The following TBC1D22A variants were observed in gnomAD, a reference collection of about 807,000 sequenced individuals.
The protein encoded by TBC1D22A is TBC1 domain family member 22A, also known as putative GTPase activator.
A neutral mutation model predicts 60.2 loss-of-function variants in TBC1D22A; 38 were observed. The ratio of observed to expected loss-of-function variants is 0.63; its 90% CI spans 0.49 to 0.83. TBC1D22A has a LOEUF of 0.83. Among genes scored for constraint, TBC1D22A ranks in the 40% least tolerant of loss-of-function variants. TBC1D22A has a pLI of 0.00. For synonymous variants in TBC1D22A, 302 were observed against 281.7 expected (o/e 1.07, Z -0.72); for missense variants, 628 against 701.0 (o/e 0.90, Z 1.18).
At position 47,175,098 on chromosome 22, in the gene TBC1D22A, A is replaced by T. The variant is rs1175587724; in HGVS notation, c.*1472A>T. On this transcript the variant is annotated 3_prime_UTR_variant, in exon 13 of 13. Transcript: ENST00000337137. ...CTAGGACACTGCCAGAGACTGTGGG[A>T]CATACAGGCATAAGTGATGTGTGTG... 1.3e-5 allele frequency: 2 copies of T among 152,284 alleles called. No homozygotes were observed. The highest frequency in any genetic ancestry group is 2.9e-5 in the Non-Finnish European group (2 of 68,068). The allele number at this position is 152,284 out of a possible 1,614,324, so 9.4% of individuals were successfully genotyped here. A position where few individuals can be genotyped will look rare whatever the true frequency, so the allele number is the denominator to read the frequency against.
intron 4 of TBC1D22A, among the ~76,000 whole-genome samples, chr22:46,854,212 G>A (rs1374232443): frequency 3.9e-5 from 6 of 152,296 alleles, no homozygotes; most frequent in Admixed American, 1.3e-4. Flanking sequence ...AATGTGTCAC[G>A]TGTGATAGGA....
intron 11 of TBC1D22A, among the ~76,000 whole-genome samples, chr22:47,048,419 G>A (rs778852606): frequency 9.1e-4 from 138 of 152,286 alleles, no homozygotes; most frequent in Middle Eastern, 3.4e-3. Context: ...CAGTTACTAC[G>A]TCACTTGCCG....
chr22:47,076,934 G>A (rs370049647), intron 11 of TBC1D22A, among the ~76,000 whole-genome samples: 10 of 152,242 alleles, frequency 6.6e-5, no homozygotes, highest in South Asian at 2.1e-4. Context: ...AGTTCCAGCC[G>A]TCATGTCAGT....
intron 8 of TBC1D22A, among the ~76,000 whole-genome samples, chr22:46,933,044 A>G (rs756001002): frequency 2.0e-5 from 3 of 152,016 alleles, no homozygotes; most frequent in Non-Finnish European, 4.4e-5. Flanking sequence ...TTTTGGCATC[A>G]TTTGGGAGGA....
intron 10 of TBC1D22A, among the ~76,000 whole-genome samples, chr22:47,034,327 T>C (rs1255770921): frequency 6.6e-6 from 1 of 152,184 alleles, no homozygotes; most frequent in African/African-American, 2.4e-5. Context: ...CGCGTCCTTG[T>C]GTGACCTGCC....
At chr22:47,111,744 G>A in intron 12 of TBC1D22A, 141 bp downstream of exon 12, 1 of 737,968 alleles carries the variant, frequency 1.4e-6, no homozygotes, top group Non-Finnish European at 2.2e-6. Context: ...CCTGCTGGTT[G>A]AAAGCTCGTC....
intron 4 of TBC1D22A, among the ~76,000 whole-genome samples, chr22:46,853,675 G>A (rs764811344): frequency 5.9e-5 from 9 of 152,220 alleles, no homozygotes; most frequent in Admixed American, 2.0e-4. Context: ...ACTTGAGAGC[G>A]GAACAGGAAC....
intron 12 of TBC1D22A, among the ~76,000 whole-genome samples, chr22:47,155,688 G>A (rs1010316645): frequency 4.0e-5 from 6 of 149,106 alleles, no homozygotes; most frequent in African/African-American, 1.2e-4. Flanking sequence ...CAGACACCAC[G>A]GCCGTTCTCC....
chr22:47,091,240 GT>G (rs2064947600), intron 11 of TBC1D22A, among the ~76,000 whole-genome samples: 7 of 130,816 alleles, frequency 5.4e-5, no homozygotes, highest in African/African-American at 1.5e-4. Context: ...GTCATCTTTG[GT>G]GGGGAGTGGC....
At chr22:46,878,144 C>T (rs987749689) in intron 4 of TBC1D22A, among the ~76,000 whole-genome samples, 3 of 151,752 alleles carry the variant, frequency 2.0e-5, no homozygotes, top group Non-Finnish European at 2.9e-5. Context: ...AGCTTATCTC[C>T]GTGAAACAAT....
intron 8 of TBC1D22A, among the ~76,000 whole-genome samples, chr22:46,920,633 A>G (rs1471512329): frequency 1.3e-5 from 2 of 152,206 alleles, no homozygotes; most frequent in African/African-American, 2.4e-5. Flanking sequence ...TGCACAGAGA[A>G]GCTTCGTGGA....
intron 8 of TBC1D22A, 90 bp from the exon 9 acceptor site, chr22:46,974,200 G>A: frequency 9.5e-7 from 1 of 1,057,616 alleles, no homozygotes; most frequent in Non-Finnish European, 1.4e-6. Context: ...CTGGATGCAG[G>A]CTCAGCTCTG....
intron 12 of TBC1D22A, among the ~76,000 whole-genome samples, chr22:47,136,680 G>A (rs182049621): frequency 6.6e-6 from 1 of 151,166 alleles, no homozygotes; most frequent in Admixed American, 6.6e-5. Context: ...GGGATTCTGA[G>A]TGGCCTTTCA....
At chr22:47,027,207 A>C (rs1423149334) in intron 10 of TBC1D22A, among the ~76,000 whole-genome samples, 1 of 152,258 alleles carries the variant, frequency 6.6e-6, no homozygotes, top group East Asian at 1.9e-4. Context: ...GAGCAAATGA[A>C]GAAGTTCCAA....
rs139609303 is a variant in TBC1D22A, at chr22:47,170,280, G to A, written c.1426-3218G>A. 5.3e-3 allele frequency among the ~76,000 whole-genome samples: 800 copies of A among 152,214 alleles called. 7 individuals are homozygous for A. Among genetic ancestry groups the A allele is most frequent in the African/African-American group, 0.018 (758 of 41,522 alleles). ...CTGAAATTGAGTGTGCAGTAGAGTC[G>A]GTGAGTTACCGTAATGGGAGGGTAC... On this transcript the variant is annotated intron_variant, in intron 12 of 12. Coordinates refer to ENST00000337137, the MANE Select transcript of TBC1D22A (RefSeq NM_014346.5).
intron 8 of TBC1D22A, among the ~76,000 whole-genome samples, chr22:46,935,710 T>C (rs931237379): frequency 1.3e-5 from 2 of 152,248 alleles, no homozygotes; most frequent in African/African-American, 4.8e-5. Flanking sequence ...CCTGTCCTTC[T>C]ATCCCATTCT....
intron 12 of TBC1D22A, among the ~76,000 whole-genome samples, chr22:47,136,477 G>T (rs777350984): frequency 3.3e-5 from 5 of 152,260 alleles, no homozygotes; most frequent in African/African-American, 4.8e-5. Flanking sequence ...TGAAATAACA[G>T]TGTAAATGTG....
intron 8 of TBC1D22A, among the ~76,000 whole-genome samples, chr22:46,940,453 A>AAT (rs58629182): frequency 0.041 from 5,852 of 142,708 alleles, 178 homozygotes; most frequent in African/African-American, 0.082. Context: ...GGGGCACTAG[A>AAT]ATATATATAT....
intron 12 of TBC1D22A, among the ~76,000 whole-genome samples, chr22:47,121,615 C>T (rs1466995809): frequency 6.6e-6 from 1 of 151,998 alleles, no homozygotes; most frequent in Admixed American, 6.5e-5. Context: ...CTATTCCACG[C>T]GTGGACAGAA....
Sources: allele counts gnomAD v4.1 joint callset (sites outside exome capture counted in the v4.1 genomes callset), GRCh38; gene constraint gnomAD v4.1.1; transcripts MANE v1.5; gene names NCBI Gene and HGNC (gene_info 2026-07-23, HGNC 2026-07-21).